Variants in DNAJC1 observed in about 807,000 individuals in gnomAD.
DNAJC1 encodes dnaJ homolog subfamily C member 1.
In DNAJC1, 58 loss-of-function variants were observed where a neutral mutation model predicts 76.6. That is an observed-to-expected ratio of 0.76 (90% confidence interval 0.61 to 0.94). The LOEUF (loss-of-function observed/expected upper bound fraction) is 0.94. Ranked by LOEUF, DNAJC1 falls within the 40% of genes least tolerant of loss-of-function variation. DNAJC1 has a pLI of 0.00. For missense variants in DNAJC1, 689 were observed against 677.3 expected (o/e 1.02, Z -0.19); for synonymous variants, 258 against 267.9 (o/e 0.96, Z 0.36).
At chr10:21,855,638 T>C (rs965135342) in intron 8 of DNAJC1, among the ~76,000 whole-genome samples, 3 of 152,152 alleles carry the variant, frequency 2.0e-5, no homozygotes, top group African/African-American at 7.2e-5. Flanking sequence ...ACTGGAGACT[T>C]CAGCTGTTAT....
chr10:21,758,875 G>C (rs535218370), intron 11 of DNAJC1, among the ~76,000 whole-genome samples: 4 of 152,146 alleles, frequency 2.6e-5, no homozygotes, highest in Admixed American at 2.6e-4. Flanking sequence ...AAACCTAGCC[G>C]GAGTGGGCGA....
At chr10:21,886,877 G>A (rs1204616417) in intron 7 of DNAJC1, among the ~76,000 whole-genome samples, 1 of 152,086 alleles carries the variant, frequency 6.6e-6, no homozygotes, top group Non-Finnish European at 1.5e-5. Context: ...CACAGTATTG[G>A]AAGTCCTAGC....
intron 1 of DNAJC1, among the ~76,000 whole-genome samples, chr10:21,980,638 G>A (rs1269073094): frequency 6.6e-6 from 1 of 152,106 alleles, no homozygotes; most frequent in Non-Finnish European, 1.5e-5. Context: ...AATAACATCT[G>A]TAGATAACAC....
chr10:21,888,192 C>T (rs887124785), intron 7 of DNAJC1, among the ~76,000 whole-genome samples: 1 of 152,188 alleles, frequency 6.6e-6, no homozygotes, highest in African/African-American at 2.4e-5. Context: ...GAGATACCAT[C>T]TCTATCCAGT....
Position 22,003,539 on chromosome 10 carries a change from C to G in DNAJC1, c.-105G>C, listed in dbSNP as rs1414859670. The stretch of plus-strand genomic sequence containing the variant: ...GGGAACAGCGCCTGTCAGTGAAAAG[C>G]GCGGGCAGGCGCACCGGAGCGGCCC... On this transcript the variant is annotated 5_prime_UTR_variant, in exon 1 of 12. Coordinates refer to ENST00000376980, the MANE Select transcript of DNAJC1 (RefSeq NM_022365.4). 2.4e-6 allele frequency: 3 copies of G among 1,232,944 alleles called. No individual in the cohort carries two copies. The Admixed American group carries it at 1.3e-4, about 53-fold the overall frequency. The allele number at this position is 1,232,944 out of a possible 1,614,324, so 76.4% of individuals were successfully genotyped here.
intron 3 of DNAJC1, among the ~76,000 whole-genome samples, chr10:21,921,594 T>G (rs900108263): frequency 3.9e-5 from 6 of 151,970 alleles, no homozygotes; most frequent in African/African-American, 1.4e-4. Context: ...TAACAACCAG[T>G]GTTTATGTTG....
At chr10:21,795,994 G>C (rs1225855987) in intron 9 of DNAJC1, among the ~76,000 whole-genome samples, 2 of 143,832 alleles carry the variant, frequency 1.4e-5, no homozygotes, top group Non-Finnish European at 3.0e-5. Flanking sequence ...TTTTGAGACA[G>C]AGTCTCACTC....
At chr10:21,779,966 G>A (rs1403881054) in intron 9 of DNAJC1, among the ~76,000 whole-genome samples, 1 of 152,150 alleles carries the variant, frequency 6.6e-6, no homozygotes, top group African/African-American at 2.4e-5. Flanking sequence ...TTCAGTAGCC[G>A]ATTGGATCAA....
intron 1 of DNAJC1, among the ~76,000 whole-genome samples, chr10:21,990,235 G>A (rs1838306024): frequency 6.6e-6 from 1 of 152,158 alleles, no homozygotes; most frequent in South Asian, 2.1e-4. Context: ...CCTGGGAATT[G>A]TATATAGTAA....
At chr10:21,852,147 A>G (rs928403788) in intron 8 of DNAJC1, among the ~76,000 whole-genome samples, 2 of 152,018 alleles carry the variant, frequency 1.3e-5, no homozygotes, top group East Asian at 3.9e-4. Flanking sequence ...AATATTATTC[A>G]GCCATAAAAA....
intron 1 of DNAJC1, among the ~76,000 whole-genome samples, chr10:21,948,373 T>C (rs1837540687): frequency 6.6e-6 from 1 of 152,164 alleles, no homozygotes; most frequent in African/African-American, 2.4e-5. Flanking sequence ...AGGAGCAAAG[T>C]AAATAAAATG....
At chr10:21,909,381 T>C (rs747332829) in intron 6 of DNAJC1, among the ~76,000 whole-genome samples, 11 of 152,232 alleles carry the variant, frequency 7.2e-5, no homozygotes, top group Non-Finnish European at 8.8e-5. Flanking sequence ...CATTATTATA[T>C]GTATTGTACA....
intron 1 of DNAJC1, chr10:21,933,574 T>A (rs929329530): frequency 6.6e-6 from 1 of 152,218 alleles, no homozygotes; most frequent in Non-Finnish European, 1.5e-5. Context: ...AAACTGAAGC[T>A]AAGAAAGATG....
rs200343722 is a variant in DNAJC1, at chr10:21,842,254, TA to T, written c.979-36156del. ...CTAAAACTTAAAGTATAATAAGAAT[TA>T]AAAAAAAAAAACCTCATGTGAGAGA... On this transcript the variant is annotated intron_variant, in intron 8 of 11. Coordinates refer to ENST00000376980, the MANE Select transcript of DNAJC1 (RefSeq NM_022365.4). Among the ~76,000 whole-genome samples, 472 of 140,400 alleles carry T rather than the reference TA, an allele frequency of 3.4e-3. 6 individuals are homozygous for T. The highest frequency in any genetic ancestry group is 0.01 in the East Asian group (51 of 4,928). The allele number at this position is 140,400 out of a possible 152,430, so 92.1% of individuals were successfully genotyped here.
intron 8 of DNAJC1, among the ~76,000 whole-genome samples, chr10:21,813,130 T>C (rs1589991081): frequency 8.3e-6 from 1 of 120,248 alleles, no homozygotes. Flanking sequence ...GCTTCTGCCT[T>C]GCTCTTTCTT....
chr10:21,788,093 T>G (rs1374582813), intron 9 of DNAJC1, among the ~76,000 whole-genome samples: 2 of 152,182 alleles, frequency 1.3e-5, no homozygotes, highest in East Asian at 3.9e-4. Context: ...GTGGTGGAAC[T>G]TCCATCCTCC....
intron 8 of DNAJC1, among the ~76,000 whole-genome samples, chr10:21,820,054 C>T (rs1226909101): frequency 6.6e-6 from 1 of 152,184 alleles, no homozygotes; most frequent in Admixed American, 6.5e-5. Context: ...TTTCATCATT[C>T]TGAATAGATA....
intron 11 of DNAJC1, among the ~76,000 whole-genome samples, chr10:21,757,133 T>G (rs906827054): frequency 1.3e-5 from 2 of 152,272 alleles, no homozygotes; most frequent in African/African-American, 4.8e-5. Flanking sequence ...GGTAGCCTAT[T>G]AGTCTTCTTC....
rs7897154 is a variant in DNAJC1 at position 21,891,315 on chromosome 10, T to C, written c.821-8876A>G. Among the ~76,000 whole-genome samples, 1,004 of 151,274 alleles carry C rather than the reference T, an allele frequency of 6.6e-3. 14 individuals carry two copies. The highest frequency in any genetic ancestry group is 0.023 in the African/African-American group (956 of 41,268). On this transcript the variant is annotated intron_variant, in intron 7 of 11. Transcript: ENST00000376980. ...AGTTTCAGCAAAAAAATAGAAGACATATAGAAGAACCAAATGGAAATGTCA... is the reference window on the plus strand; with the variant it reads ...AGTTTCAGCAAAAAAATAGAAGACACATAGAAGAACCAAATGGAAATGTCA...
Sources: gnomAD v4.1 joint callset for allele counts (sites outside exome capture counted in the v4.1 genomes callset) on GRCh38, gnomAD v4.1.1 for gene constraint, MANE v1.5 for transcripts, NCBI Gene and HGNC (gene_info 2026-07-23, HGNC 2026-07-21) for gene names.